The following CNTN5 variants were observed in gnomAD, a reference collection of about 807,000 sequenced individuals.
CNTN5 encodes contactin 5, also known as contactin-5.
CNTN5 carries 77 observed loss-of-function variants against 129.1 expected under a neutral mutation model. That is an observed-to-expected ratio of 0.60 (90% CI 0.50 to 0.72). The LOEUF is 0.72. CNTN5 is among the 30% of genes least tolerant of loss of function. The probability of loss-of-function intolerance (pLI) is 0.00; values close to 1 mark genes in which losing one functional copy is unlikely to be tolerated. For synonymous variants in CNTN5, 509 were observed against 465.6 expected, an observed-to-expected ratio of 1.09 and a Z score of -1.20; for missense variants, 1,478 against 1,328.8, an observed-to-expected ratio of 1.11 and a Z score of -1.75.
intron 1 of CNTN5, among the ~76,000 whole-genome samples, chr11:99,053,711 G>A (rs11218234): frequency 0.043 from 6,484 of 151,896 alleles, 482 homozygotes; most frequent in East Asian, 0.23. Context: ...GAGGAGCAAG[G>A]GCAGCAGGTA....
At chr11:99,540,840 T>C (rs1204477275) in intron 2 of CNTN5, among the ~76,000 whole-genome samples, 1 of 152,128 alleles carries the variant, frequency 6.6e-6, no homozygotes, top group Non-Finnish European at 1.5e-5. Context: ...CTAGGGTATG[T>C]ATGGGAAAAA....
intron 2 of CNTN5, among the ~76,000 whole-genome samples, chr11:99,373,062 AGCGGGG>A (rs201835725): frequency 0.23 from 34,882 of 151,998 alleles, 4,774 homozygotes; most frequent in Middle Eastern, 0.32. Context: ...TACAAAAATT[AGCGGGG>A]CATGGTGGCA....
intron 3 of CNTN5, among the ~76,000 whole-genome samples, chr11:99,792,743 A>AT (rs1945796885): frequency 6.6e-6 from 1 of 152,004 alleles, no homozygotes; most frequent in Admixed American, 6.6e-5. Context: ...TAAGCTGTGA[A>AT]TCTGCCTGGT....
At chr11:99,306,259 A>G (rs1303178129) in intron 1 of CNTN5, among the ~76,000 whole-genome samples, 2 of 152,182 alleles carry the variant, frequency 1.3e-5, no homozygotes, top group African/African-American at 2.4e-5. Context: ...TGTGACATTT[A>G]TTATCTCTGG....
intron 3 of CNTN5, among the ~76,000 whole-genome samples, chr11:99,719,659 C>G (rs759232731): frequency 6.6e-6 from 1 of 151,892 alleles, no homozygotes; most frequent in Non-Finnish European, 1.5e-5. Flanking sequence ...AAATCAACCT[C>G]AAAGCTACCA....
At chr11:99,258,479 G>A (rs1862479720) in intron 1 of CNTN5, among the ~76,000 whole-genome samples, 1 of 151,928 alleles carries the variant, frequency 6.6e-6, no homozygotes, top group African/African-American at 2.4e-5. Flanking sequence ...TTGTACCTAT[G>A]ATAACATATC....
intron 2 of CNTN5, among the ~76,000 whole-genome samples, chr11:99,519,815 G>T (rs1947204753): frequency 6.6e-6 from 1 of 152,034 alleles, no homozygotes; most frequent in Non-Finnish European, 1.5e-5. Context: ...CAAAAGAGTT[G>T]ATATGCCCTA....
intron 2 of CNTN5, among the ~76,000 whole-genome samples, chr11:99,544,905 A>G (rs564539043): frequency 2.1e-4 from 32 of 152,336 alleles, no homozygotes; most frequent in Admixed American, 1.7e-3. Flanking sequence ...TTTGAGATAT[A>G]AAAACATCCA....
At chr11:99,347,288 A>T (rs1937960727) in intron 2 of CNTN5, among the ~76,000 whole-genome samples, 1 of 152,180 alleles carries the variant, frequency 6.6e-6, no homozygotes, top group South Asian at 2.1e-4. Flanking sequence ...CTATACTAGC[A>T]CAAAAAGATT....
intron 3 of CNTN5, among the ~76,000 whole-genome samples, chr11:99,710,567 ATGTGTGTGTGTGTGTGTG>A (rs71050018): frequency 7.1e-6 from 1 of 140,476 alleles, no homozygotes. Flanking sequence ...GTGTGTGTGC[ATGTGTGTGTGTGTGTGTG>A]TGTGTGTGTG....
chr11:99,782,940 A>T (rs1267009580), intron 3 of CNTN5, among the ~76,000 whole-genome samples: 7 of 151,874 alleles, frequency 4.6e-5, no homozygotes, highest in African/African-American at 1.7e-4. Flanking sequence ...TGTCTAAAAC[A>T]CCAAAAGCAA....
At chr11:99,489,286 G>A (rs1945941270) in intron 2 of CNTN5, among the ~76,000 whole-genome samples, 1 of 152,112 alleles carries the variant, frequency 6.6e-6, no homozygotes, top group South Asian at 2.1e-4. Flanking sequence ...ACTCTAGAGA[G>A]TCATGTAACT....
chr11:99,910,916 A>T (rs1949642173), intron 6 of CNTN5, among the ~76,000 whole-genome samples: 1 of 152,132 alleles, frequency 6.6e-6, no homozygotes, highest in African/African-American at 2.4e-5. Context: ...CAATGAATAC[A>T]GCCAATGGAA....
intron 13 of CNTN5, among the ~76,000 whole-genome samples, chr11:100,147,299 G>A (rs553545508): frequency 3.9e-5 from 6 of 152,222 alleles, no homozygotes; most frequent in African/African-American, 9.6e-5. Context: ...GAGCTCTTCC[G>A]TCTGGTCTTT....
intron 1 of CNTN5, among the ~76,000 whole-genome samples, chr11:99,300,983 G>A (rs558347979): frequency 6.6e-6 from 1 of 151,856 alleles, no homozygotes; most frequent in Admixed American, 6.6e-5. Context: ...AAAGTGGGGA[G>A]CAGTACCTAA....
At chr11:100,011,266 A>G (rs1940515234) in intron 9 of CNTN5, among the ~76,000 whole-genome samples, 2 of 152,122 alleles carry the variant, frequency 1.3e-5, no homozygotes, top group African/African-American at 2.4e-5. Flanking sequence ...AGATATGTCA[A>G]CTAGCCTCCA....
At chr11:99,924,240 A>G (rs571260572) in intron 7 of CNTN5, among the ~76,000 whole-genome samples, 2 of 152,234 alleles carry the variant, frequency 1.3e-5, no homozygotes, top group Admixed American at 6.5e-5. Context: ...TCTTTTGAGA[A>G]GTGTCTGTTC....
chr11:99,525,280 T>G (rs1259014938), intron 2 of CNTN5, among the ~76,000 whole-genome samples: 1 of 152,168 alleles, frequency 6.6e-6, no homozygotes, highest in East Asian at 1.9e-4. Context: ...TGGATCAACT[T>G]ATAATTTAAA....
intron 1 of CNTN5, among the ~76,000 whole-genome samples, chr11:99,297,843 C>T (rs1565471917): frequency 6.6e-6 from 1 of 152,140 alleles, no homozygotes; most frequent in African/African-American, 2.4e-5. Flanking sequence ...GCAATATTAG[C>T]GCTTACTACC....
Sources: gnomAD v4.1 joint callset for allele counts (sites outside exome capture counted in the v4.1 genomes callset) on GRCh38, gnomAD v4.1.1 for gene constraint, MANE v1.5 for transcripts, NCBI Gene and HGNC (gene_info 2026-07-23, HGNC 2026-07-21) for gene names.